The following CACNA1D variants were observed in gnomAD, a reference collection of about 807,000 sequenced individuals.
CACNA1D encodes the protein voltage-dependent L-type calcium channel subunit alpha-1D.
Under a neutral mutation model 257.1 loss-of-function variants are expected in CACNA1D, and 55 were observed. That is an observed-to-expected ratio of 0.21 (90% confidence interval 0.17 to 0.27). The LOEUF (loss-of-function observed/expected upper bound fraction) is 0.27, where lower values mean the gene tolerates loss of function less well. CACNA1D is among the 10% of genes least tolerant of loss of function. CACNA1D has a pLI of 1.00. For synonymous variants in CACNA1D, 980 were observed against 1,014.9 expected (o/e 0.97, Z 0.65); for missense variants, 1,876 against 2,784.0 (o/e 0.67, Z 7.34).
At chr3:53,717,760 T>C (rs1242468813) in intron 9 of CACNA1D, among the ~76,000 whole-genome samples, 3 of 152,066 alleles carry the variant, frequency 2.0e-5, no homozygotes, top group East Asian at 3.9e-4. Flanking sequence ...TCAGGTAAAA[T>C]AGCAAAAAAA....
intron 17 of CACNA1D, among the ~76,000 whole-genome samples, chr3:53,731,523 C>A (rs1156275585): frequency 1.3e-5 from 2 of 152,202 alleles, no homozygotes; most frequent in African/African-American, 4.8e-5. Flanking sequence ...ATCCCAGGAT[C>A]AGGTGGCCTC....
intron 8 of CACNA1D, among the ~76,000 whole-genome samples, chr3:53,682,365 T>TAAAAAAAAAAAACAAAAAAAA (rs2094437885): frequency 6.3e-5 from 3 of 47,388 alleles, no homozygotes; most frequent in Non-Finnish European, 7.4e-5. Context: ...TTGTCTCTGG[T>TAAAAAAAAAAAACAAAAAAAA]AAAAAAAAAA....
At chr3:53,648,866 C>T (rs1310029673) in intron 3 of CACNA1D, among the ~76,000 whole-genome samples, 1 of 141,888 alleles carries the variant, frequency 7.0e-6, no homozygotes, top group African/African-American at 2.8e-5. Flanking sequence ...ACACACAATT[C>T]GTTCACTAGA....
At chr3:53,704,442 CTGTT>C (rs1306509870) in intron 9 of CACNA1D, among the ~76,000 whole-genome samples, 1 of 152,170 alleles carries the variant, frequency 6.6e-6, no homozygotes, top group Non-Finnish European at 1.5e-5. Flanking sequence ...CTAGAGCTAA[CTGTT>C]TGCTGAATGC....
At chr3:53,760,978 C>A (rs1029455803) in intron 29 of CACNA1D, among the ~76,000 whole-genome samples, 1 of 152,162 alleles carries the variant, frequency 6.6e-6, no homozygotes, top group African/African-American at 2.4e-5. Flanking sequence ...ATTCAGCCAT[C>A]AGTACGTAAG....
intron 8 of CACNA1D, among the ~76,000 whole-genome samples, chr3:53,684,466 A>T (rs942190881): frequency 2.6e-5 from 4 of 152,126 alleles, no homozygotes; most frequent in Non-Finnish European, 5.9e-5. Context: ...TACTAAAAAT[A>T]CAAAAAATTA....
At chr3:53,525,949 T>C (rs1489687992) in intron 3 of CACNA1D, among the ~76,000 whole-genome samples, 1 of 152,198 alleles carries the variant, frequency 6.6e-6, no homozygotes, top group Non-Finnish European at 1.5e-5. Flanking sequence ...CTCTCCAGCC[T>C]GGCTCCACTT....
chr3:53,547,779 C>A (rs574550051), intron 3 of CACNA1D, among the ~76,000 whole-genome samples: 1 of 152,284 alleles, frequency 6.6e-6, no homozygotes, highest in South Asian at 2.1e-4. Context: ...TGAGACTGCA[C>A]CTTCTGTTTG....
At chr3:53,741,799 A>C (rs2108820860) in intron 21 of CACNA1D, among the ~76,000 whole-genome samples, 1 of 152,336 alleles carries the variant, frequency 6.6e-6, no homozygotes, top group East Asian at 1.9e-4. Context: ...GAGCTGTTCT[A>C]CTTAGTCTGT....
chr3:53,734,144 T>G (rs917705427), intron 19 of CACNA1D, among the ~76,000 whole-genome samples: 1 of 151,116 alleles, frequency 6.6e-6, no homozygotes, highest in Non-Finnish European at 1.5e-5. Context: ...GCTAACCACC[T>G]TCAGGTCCTC....
rs368431915 is a variant in CACNA1D at position 53,800,580 on chromosome 3, C to G, written c.5040+215C>G. On this transcript the variant is annotated intron_variant, in intron 41 of 47. Transcript: ENST00000350061. This position sits in a 1 kb window ranked among gnomAD's most constrained non-coding sequence, Gnocchi z 4.3. ...AGGCCAGCTCTTTCCCTGAGCTTAC[C>G]CAGCTTCCCCTCACTGCCTGCTTCT... The G allele has an allele frequency of 6.5e-6, 4 of 617,650 alleles. No homozygotes were observed. The highest frequency in any genetic ancestry group is 5.4e-5 in the African/African-American group (3 of 55,120). 38.3% of individuals were successfully genotyped at this position (617,650 alleles called of 1,614,324 possible). A position where few individuals can be genotyped will look rare whatever the true frequency, so the allele number is the denominator to read the frequency against.
intron 8 of CACNA1D, among the ~76,000 whole-genome samples, chr3:53,686,012 A>T (rs930344978): frequency 9.2e-5 from 14 of 152,088 alleles, no homozygotes; most frequent in Admixed American, 2.0e-4. Context: ...CAAAAAAGGA[A>T]AAAGAGCAAA....
chr3:53,737,359 ATTTACTTGACC>A (rs2095068693), intron 20 of CACNA1D, among the ~76,000 whole-genome samples: 1 of 152,218 alleles, frequency 6.6e-6, no homozygotes, highest in Non-Finnish European at 1.5e-5. Context: ...TTTACATGGC[ATTTACTTGACC>A]TTGGGTATCT....
intron 5 of CACNA1D, among the ~76,000 whole-genome samples, chr3:53,665,195 G>A (rs2108360130): frequency 6.6e-6 from 1 of 151,922 alleles, no homozygotes; most frequent in East Asian, 1.9e-4. Context: ...TTTAACTATT[G>A]GGATATTTAT....
chr3:53,714,811 G>A (rs1057250214), intron 9 of CACNA1D, among the ~76,000 whole-genome samples: 3 of 152,122 alleles, frequency 2.0e-5, no homozygotes, highest in African/African-American at 7.2e-5. Flanking sequence ...GTTTGCTCAC[G>A]TATTCTCAGA....
chr3:53,650,065 A>G (rs529868901), intron 3 of CACNA1D, among the ~76,000 whole-genome samples: 7 of 152,328 alleles, frequency 4.6e-5, no homozygotes, highest in African/African-American at 1.7e-4. Context: ...TGGGATGGAT[A>G]CTAGAGGAAA....
intron 27 of CACNA1D, among the ~76,000 whole-genome samples, chr3:53,750,826 C>T (rs186091590): frequency 5.9e-5 from 9 of 152,246 alleles, no homozygotes; most frequent in East Asian, 1.9e-4. Context: ...AGCAGGAGAG[C>T]GGGGGTAGGT....
intron 8 of CACNA1D, among the ~76,000 whole-genome samples, chr3:53,697,683 T>C (rs1413056977): frequency 6.6e-6 from 1 of 152,224 alleles, no homozygotes; most frequent in African/African-American, 2.4e-5. Flanking sequence ...ATTTACTTTT[T>C]CATTTGTTAT....
chr3:53,585,227 C>T (rs1457544032), intron 3 of CACNA1D, among the ~76,000 whole-genome samples: 2 of 151,994 alleles, frequency 1.3e-5, no homozygotes, highest in African/African-American at 2.4e-5. Flanking sequence ...GGAGACATGA[C>T]TTGGTGCCTG....
Sources: gnomAD v4.1 joint callset for allele counts (sites outside exome capture counted in the v4.1 genomes callset) on GRCh38, gnomAD v4.1.1 for gene constraint, Gnocchi (gnomAD v3.1) non-coding constraint, MANE v1.5 for transcripts, NCBI Gene and HGNC (gene_info 2026-07-23, HGNC 2026-07-21) for gene names.